The following ZC3H12B variants were observed in gnomAD, a reference collection of about 807,000 sequenced individuals.
ZC3H12B encodes the protein probable ribonuclease ZC3H12B.
Under a neutral mutation model 43.9 loss-of-function variants are expected in ZC3H12B, and 7 were observed. That is an observed-to-expected ratio of 0.16 (90% CI 0.09 to 0.30). The LOEUF is 0.30. ZC3H12B is among the 10% of genes least tolerant of loss of function. The pLI is 1.00. For missense variants in ZC3H12B, 475 were observed against 670.2 expected (o/e 0.71, Z 3.22); for synonymous variants, 222 against 241.7 (o/e 0.92, Z 0.76).
the ZC3H12B span, among the ~76,000 whole-genome samples, chrX:65,095,527 G>T: frequency 5.4e-5 from 6 of 111,293 alleles, no homozygotes; most frequent in East Asian, 1.4e-3. Context: ...ACCTCTGTAG[G>T]AACCAGTACT....
intron 3 of ZC3H12B, among the ~76,000 whole-genome samples, chrX:65,429,676 G>T (rs1034933352): frequency 4.5e-5 from 5 of 111,880 alleles, no homozygotes; most frequent in African/African-American, 1.6e-4. Flanking sequence ...CCGTCTCTTT[G>T]GGGTCTCTGT....
chrX:65,119,314 G>C, the ZC3H12B span, among the ~76,000 whole-genome samples: 3 of 111,335 alleles, frequency 2.7e-5, no homozygotes, highest in African/African-American at 9.8e-5. Flanking sequence ...AGCACCTGTT[G>C]TTTCCTGACT....
chrX:65,095,009 A>C, the ZC3H12B span, among the ~76,000 whole-genome samples: 2 of 112,110 alleles, frequency 1.8e-5, no homozygotes, highest in African/African-American at 6.5e-5. Flanking sequence ...TGAGCTTTTC[A>C]TGTCAAGACA....
the ZC3H12B span, among the ~76,000 whole-genome samples, chrX:65,218,625 C>T: frequency 9.0e-6 from 1 of 110,535 alleles, no homozygotes; most frequent in Non-Finnish European, 1.9e-5. Flanking sequence ...TTCATTGCCC[C>T]AGGAACCACA....
chrX:65,327,807 A>C, the ZC3H12B span, among the ~76,000 whole-genome samples: 1 of 112,056 alleles, frequency 8.9e-6, no homozygotes, highest in African/African-American at 3.2e-5. Flanking sequence ...AATTTTAAAA[A>C]GGTAAGAAAA....
At chrX:65,107,069 A>G in the ZC3H12B span, among the ~76,000 whole-genome samples, 2 of 111,282 alleles carry the variant, frequency 1.8e-5, no homozygotes, top group East Asian at 5.7e-4. Flanking sequence ...TTAGTAACTT[A>G]GTTGATAGTT....
At chrX:65,207,383 A>G in the ZC3H12B span, among the ~76,000 whole-genome samples, 10 of 110,465 alleles carry the variant, frequency 9.1e-5, 1 homozygote, top group South Asian at 1.6e-3. Context: ...TAACTCTGAA[A>G]TGGAAAACCA....
the ZC3H12B span, among the ~76,000 whole-genome samples, chrX:65,152,128 C>T: frequency 1.8e-5 from 2 of 111,569 alleles, no homozygotes; most frequent in African/African-American, 6.5e-5. Context: ...CAATATCATA[C>T]TGAATGGGCA....
In ZC3H12B at chrX:65,368,989, G is replaced by A. The variant is rs887557871; in HGVS notation, n.286G>A. ...ATGCCAGACATTGGACATTTTTGAG[G>A]TGTTAAGAGGTGGGTACTTTAGTGG... On this transcript the variant is annotated non_coding_transcript_exon_variant, in exon 2 of 6. The change creates a new upstream start codon in the 5' untranslated region. Coordinates refer to the ZC3H12B transcript ENST00000617377. The A allele has an allele frequency of 4.5e-5, 5 of 112,010 alleles. No individual in the cohort carries two copies. Among genetic ancestry groups the A allele is most frequent in the African/African-American group, 6.5e-5 (2 of 30,845 alleles). 9.2% of individuals were successfully genotyped at this position (112,010 alleles called of 1,213,427 possible).
At chrX:65,102,909 G>C in the ZC3H12B span, among the ~76,000 whole-genome samples, 3 of 111,595 alleles carry the variant, frequency 2.7e-5, no homozygotes, top group Non-Finnish European at 3.8e-5. Flanking sequence ...TGTACGAATA[G>C]GGTGTGGGTC....
At chrX:65,357,014 C>A in the ZC3H12B span, 1 of 547,541 alleles carries the variant, frequency 1.8e-6, no homozygotes, top group Non-Finnish European at 3.3e-6. Flanking sequence ...ATGTTGTTAC[C>A]TGGACCTAAA....
chrX:65,311,326 G>T, the ZC3H12B span, among the ~76,000 whole-genome samples: 6 of 111,735 alleles, frequency 5.4e-5, no homozygotes, highest in Non-Finnish European at 7.5e-5. Context: ...TCAAAAAGTG[G>T]GCAAAGGATA....
chrX:65,417,030 A>T (rs2066970683), intron 3 of ZC3H12B, among the ~76,000 whole-genome samples: 1 of 111,832 alleles, frequency 8.9e-6, no homozygotes. Flanking sequence ...CATTCCCCAG[A>T]TTATTCTGAT....
intron 3 of ZC3H12B, chrX:65,408,489 G>A (rs1229242281): frequency 8.3e-7 from 1 of 1,208,708 alleles, no homozygotes; most frequent in African/African-American, 1.8e-5. Flanking sequence ...CTTTCTTATG[G>A]CCACGGACCC....
chrX:65,235,760 G>T, the ZC3H12B span, among the ~76,000 whole-genome samples: 1 of 111,983 alleles, frequency 8.9e-6, no homozygotes. Context: ...CTTGATCAGG[G>T]AATCCTGAGG....
At chrX:65,304,344 C>T in the ZC3H12B span, among the ~76,000 whole-genome samples, 3 of 111,746 alleles carry the variant, frequency 2.7e-5, no homozygotes, top group Admixed American at 1.9e-4. Flanking sequence ...CGACCGGGTG[C>T]GGTGGCTCAC....
chrX:65,479,429 G>T (rs983378965), intron 3 of ZC3H12B, among the ~76,000 whole-genome samples: 2 of 106,595 alleles, frequency 1.9e-5, no homozygotes, highest in African/African-American at 6.9e-5. Flanking sequence ...GTGCAATGGC[G>T]CAGTCTCAGC....
intron 3 of ZC3H12B, among the ~76,000 whole-genome samples, chrX:65,442,946 GGGGCAAC>G (rs2067322375): frequency 3.6e-5 from 4 of 110,626 alleles, no homozygotes; most frequent in African/African-American, 1.3e-4. Flanking sequence ...AACAGTCACT[GGGGCAAC>G]TAGTTTTCAC....
chrX:65,156,920 C>A, the ZC3H12B span, among the ~76,000 whole-genome samples: 1 of 111,739 alleles, frequency 8.9e-6, no homozygotes, highest in Non-Finnish European at 1.9e-5. Flanking sequence ...TATTCTTTGA[C>A]ATATATTTAT....
Sources: gnomAD v4.1 joint callset for allele counts (sites outside exome capture counted in the v4.1 genomes callset) on GRCh38, gnomAD v4.1.1 for gene constraint, MANE v1.5 for transcripts, NCBI Gene and HGNC (gene_info 2026-07-23, HGNC 2026-07-21) for gene names.